The following GRM7 variants were observed in gnomAD, a reference collection of about 807,000 sequenced individuals.
GRM7 encodes glutamate metabotropic receptor 7.
In GRM7, 35 loss-of-function variants were observed where a neutral mutation model predicts 84.5. That is an observed-to-expected ratio of 0.41 (90% CI 0.32 to 0.55). The LOEUF (loss-of-function observed/expected upper bound fraction) is 0.55. Among genes scored for constraint, GRM7 ranks in the 20% least tolerant of loss-of-function variants. The pLI is 0.19. For missense variants in GRM7, 1,003 were observed against 1,194.6 expected (o/e 0.84, Z 2.36); for synonymous variants, 487 against 455.1 (o/e 1.07, Z -0.89).
At chr3:7,626,438 T>C (rs1697615196) in intron 8 of GRM7, among the ~76,000 whole-genome samples, 2 of 152,284 alleles carry the variant, frequency 1.3e-5, no homozygotes, top group African/African-American at 2.4e-5. Flanking sequence ...TGTGGCAAAA[T>C]ACCACAAAAC....
At chr3:7,637,043 A>AT (rs1698131003) in intron 8 of GRM7, among the ~76,000 whole-genome samples, 1 of 152,176 alleles carries the variant, frequency 6.6e-6, no homozygotes, top group South Asian at 2.1e-4. Context: ...GGCATTCTAA[A>AT]TTTTTGCCCC....
intron 8 of GRM7, among the ~76,000 whole-genome samples, chr3:7,637,259 T>C (rs1372673766): frequency 6.6e-6 from 1 of 152,346 alleles, no homozygotes; most frequent in East Asian, 1.9e-4. Context: ...TCCTCCCTTG[T>C]TGGCCTCACA....
intron 1 of GRM7, among the ~76,000 whole-genome samples, chr3:7,118,455 C>A (rs1693113887): frequency 6.7e-6 from 1 of 149,462 alleles, no homozygotes; most frequent in African/African-American, 2.5e-5. Context: ...ATCTAAAATC[C>A]TTTTTAGAGA....
At chr3:7,566,190 C>T (rs1694261364) in intron 7 of GRM7, among the ~76,000 whole-genome samples, 1 of 138,750 alleles carries the variant, frequency 7.2e-6, no homozygotes, top group Non-Finnish European at 1.5e-5. Context: ...GCCAACTACT[C>T]ATTTCTACCA....
At chr3:7,712,360 G>A (rs1701608994) in intron 9 of GRM7, among the ~76,000 whole-genome samples, 1 of 152,074 alleles carries the variant, frequency 6.6e-6, no homozygotes, top group Non-Finnish European at 1.5e-5. Context: ...CTGACCTGGT[G>A]GCATCCTCAG....
chr3:7,707,930 AT>A (rs34344224), intron 9 of GRM7, among the ~76,000 whole-genome samples: 54,022 of 123,656 alleles, frequency 0.44, 11,210 homozygotes, highest in Non-Finnish European at 0.52. Flanking sequence ...GAAGCTTTCA[AT>A]TTTTTTTTTT....
intron 4 of GRM7, among the ~76,000 whole-genome samples, chr3:7,409,764 C>T (rs146019468): frequency 6.6e-5 from 10 of 152,054 alleles, no homozygotes; most frequent in Admixed American, 3.9e-4. Flanking sequence ...CCACGCCCGG[C>T]GAATTTTTTG....
At chr3:7,381,174 G>A (rs954296974) in intron 4 of GRM7, among the ~76,000 whole-genome samples, 1 of 150,742 alleles carries the variant, frequency 6.6e-6, no homozygotes, top group Admixed American at 6.6e-5. Context: ...GTTTTTTTTT[G>A]ATGTTCAACT....
At chr3:7,737,423 C>G (rs1425917500) in intron 9 of GRM7, among the ~76,000 whole-genome samples, 1 of 152,126 alleles carries the variant, frequency 6.6e-6, no homozygotes, top group Non-Finnish European at 1.5e-5. Context: ...GAAAAACATA[C>G]TATTTTAAAA....
At chr3:6,903,705 C>A (rs1048958528) in intron 1 of GRM7, among the ~76,000 whole-genome samples, 1 of 152,128 alleles carries the variant, frequency 6.6e-6, no homozygotes, top group African/African-American at 2.4e-5. Context: ...CTTTAATTCA[C>A]GAATTATTCC....
In GRM7 at chr3:7,552,756, C is replaced by T. The variant is rs73116040; in HGVS notation, c.1516-25666C>T. 3.7e-3 allele frequency among the ~76,000 whole-genome samples: 560 copies of T among 152,288 alleles called. 6 individuals carry two copies. Among genetic ancestry groups the T allele is most frequent in the African/African-American group, 0.013 (539 of 41,578 alleles). ...TGAGACTGTGCAAAGCAGCGAGGCC[C>T]GGGGCCTAGCCCAGAAAACCATTTT... On this transcript the variant is annotated intron_variant, in intron 7 of 9. Coordinates refer to ENST00000357716, the MANE Select transcript of GRM7 (RefSeq NM_000844.4).
chr3:7,390,007 A>G lies in GRM7; in HGVS notation c.1034-25016A>G, dbSNP rs144036174. 1.8e-4 allele frequency among the ~76,000 whole-genome samples: 28 copies of G among 151,786 alleles called. No homozygotes were observed. The East Asian group carries it at 3.1e-3, about 17-fold the overall frequency. On this transcript the variant is annotated intron_variant, in intron 4 of 9. Coordinates refer to ENST00000357716, the MANE Select transcript of GRM7 (RefSeq NM_000844.4). The stretch of plus-strand genomic sequence containing the variant: ...TAGCTAGTACTGTTTTTACATTTTC[A>G]TGTTTATAAGTTTCTTAAGCATCTC...
At chr3:7,539,192 G>A (rs1371136580) in intron 7 of GRM7, among the ~76,000 whole-genome samples, 2 of 152,042 alleles carry the variant, frequency 1.3e-5, no homozygotes, top group Non-Finnish European at 2.9e-5. Context: ...ACAATAGCTG[G>A]GTGGGCTATA....
chr3:7,309,190 G>A (rs10510356), intron 4 of GRM7, among the ~76,000 whole-genome samples: 8 of 151,938 alleles, frequency 5.3e-5, no homozygotes, highest in South Asian at 2.1e-4. Context: ...GTTCACTTTC[G>A]TAGCAGACAG....
intron 1 of GRM7, among the ~76,000 whole-genome samples, chr3:7,116,639 T>C (rs1023213291): frequency 6.6e-6 from 1 of 152,216 alleles, no homozygotes; most frequent in African/African-American, 2.4e-5. Context: ...AATAAATTAC[T>C]GGAGTGGTAC....
chr3:7,107,024 CT>C, intron 1 of GRM7, among the ~76,000 whole-genome samples: 1 of 151,994 alleles, frequency 6.6e-6, no homozygotes, highest in East Asian at 1.9e-4. Flanking sequence ...AAAAAGATAC[CT>C]TTTTAAACTC....
intron 4 of GRM7, among the ~76,000 whole-genome samples, chr3:7,377,315 G>A (rs181372959): frequency 2.0e-4 from 31 of 152,308 alleles, no homozygotes; most frequent in Middle Eastern, 3.4e-3. Flanking sequence ...CCTGAACTAA[G>A]GGTAACTCTG....
At chr3:6,892,731 C>G (rs1282199199) in intron 1 of GRM7, 3 of 152,164 alleles carry the variant, frequency 2.0e-5, no homozygotes. Flanking sequence ...GAGGGGTAAA[C>G]TCTGTGTTGG....
At chr3:7,550,573 CTCTCTGTG>C (rs1354804259) in intron 7 of GRM7, among the ~76,000 whole-genome samples, 891 of 60,530 alleles carry the variant, frequency 0.015, 8 homozygotes, top group Admixed American at 0.029. Context: ...CTCTCTCTCT[CTCTCTGTG>C]TGTGTGTGTG....
Sources: allele counts gnomAD v4.1 joint callset (sites outside exome capture counted in the v4.1 genomes callset), GRCh38; gene constraint gnomAD v4.1.1; transcripts MANE v1.5; gene names NCBI Gene and HGNC (gene_info 2026-07-23, HGNC 2026-07-21).